BMP2K: variants seen among roughly 807,000 people sequenced by gnomAD.
BMP2K encodes BMP2 inducible kinase, also known as BMP-2-inducible protein kinase.
A neutral mutation model predicts 116.0 loss-of-function variants in BMP2K; 74 were observed. That is an observed-to-expected ratio of 0.64 (90% confidence interval 0.53 to 0.77). The LOEUF (loss-of-function observed/expected upper bound fraction) is 0.77, where lower values mean the gene tolerates loss of function less well. Ranked by LOEUF, BMP2K falls within the 30% of genes least tolerant of loss-of-function variation. BMP2K has a pLI of 0.00. For missense variants in BMP2K, 1,365 were observed against 1,403.6 expected (o/e 0.97, Z 0.44); for synonymous variants, 486 against 502.5 (o/e 0.97, Z 0.44).
At chr4:78,829,787 TTTCTCTTCTC>T (rs745602899) in intron 2 of BMP2K, among the ~76,000 whole-genome samples, 2,252 of 86,468 alleles carry the variant, frequency 0.026, 36 homozygotes, top group Non-Finnish European at 0.031. Flanking sequence ...TTTCTTTTCT[TTTCTCTTCTC>T]TTCTCTTCTC....
At chr4:78,857,511 C>G (rs1263385978) in intron 7 of BMP2K, among the ~76,000 whole-genome samples, 6 of 151,974 alleles carry the variant, frequency 3.9e-5, no homozygotes, top group African/African-American at 1.4e-4. Flanking sequence ...TGAAAGAAAA[C>G]AAAACAAAGA....
intron 13 of BMP2K, among the ~76,000 whole-genome samples, chr4:78,877,878 A>G (rs1030151189): frequency 6.6e-6 from 1 of 152,170 alleles, no homozygotes; most frequent in Non-Finnish European, 1.5e-5. Flanking sequence ...TTTCAGCTCT[A>G]TTTTAATCTT....
intron 1 of BMP2K, among the ~76,000 whole-genome samples, chr4:78,811,706 A>G (rs893786279): frequency 2.6e-5 from 4 of 152,204 alleles, no homozygotes; most frequent in African/African-American, 9.6e-5. Context: ...AAGCAGGTCT[A>G]TTTTTATCCA....
chr4:78,849,040 T>C (rs975390762), intron 6 of BMP2K, among the ~76,000 whole-genome samples: 1 of 151,498 alleles, frequency 6.6e-6, no homozygotes, highest in African/African-American at 2.4e-5. Context: ...CAGAGAGTTA[T>C]GATATTGAGG....
At chr4:78,828,349 G>C (rs1450494520) in intron 2 of BMP2K, among the ~76,000 whole-genome samples, 2 of 152,222 alleles carry the variant, frequency 1.3e-5, no homozygotes, top group Non-Finnish European at 2.9e-5. Flanking sequence ...AAGGGGTACA[G>C]AGCTTCCTTG....
In BMP2K at chr4:78,776,362, G is replaced by T. The variant is rs1165257623; in HGVS notation, c.-182G>T. The T allele has an allele frequency of 5.0e-5, 25 of 498,492 alleles. No individual in the cohort carries two copies. Among genetic ancestry groups the T allele is most frequent in the Non-Finnish European group, 5.7e-5 (21 of 369,628 alleles). 30.9% of individuals were successfully genotyped at this position (498,492 alleles called of 1,614,324 possible). ...GCGGGAGCCGGGCAGCTGCAGCGGA[G>T]CCGCGGAGCGGGCGGCGGGGCCCAG... On this transcript the variant is annotated 5_prime_UTR_variant, in exon 1 of 16. Coordinates refer to ENST00000502613, the MANE Select transcript of BMP2K (RefSeq NM_198892.2).
intron 1 of BMP2K, among the ~76,000 whole-genome samples, chr4:78,820,493 T>C (rs1348098548): frequency 6.6e-6 from 1 of 152,158 alleles, no homozygotes; most frequent in African/African-American, 2.4e-5. Flanking sequence ...GTGTGTGTTA[T>C]ATCTTTGATA....
intron 1 of BMP2K, 106 bp from the exon 2 acceptor site, chr4:78,825,931 G>A: frequency 1.2e-6 from 1 of 851,774 alleles, no homozygotes; most frequent in Non-Finnish European, 1.9e-6. Context: ...TTTTGTCTTG[G>A]GTACAATCAT....
intron 2 of BMP2K, among the ~76,000 whole-genome samples, chr4:78,830,187 A>C (rs1730142129): frequency 6.6e-6 from 1 of 152,094 alleles, no homozygotes; most frequent in Non-Finnish European, 1.5e-5. Context: ...ATCAGTATTA[A>C]TTTTTTTGTA....
At chr4:78,860,142 G>GTAC (rs771473033) in intron 8 of BMP2K, 2 of 486,230 alleles carry the variant, frequency 4.1e-6, no homozygotes, top group Non-Finnish European at 8.0e-6. Flanking sequence ...TAAACAATGT[G>GTAC]TACGCATAGA....
intron 2 of BMP2K, 84 bp from the exon 3 acceptor site, chr4:78,833,498 A>T: frequency 2.3e-6 from 2 of 877,452 alleles, no homozygotes; most frequent in East Asian, 2.6e-5. Context: ...GAAATTCTTT[A>T]CATTAATTTA....
At chr4:78,847,902 A>C (rs1317474555) in intron 6 of BMP2K, among the ~76,000 whole-genome samples, 1 of 151,722 alleles carries the variant, frequency 6.6e-6, no homozygotes, top group Non-Finnish European at 1.5e-5. Flanking sequence ...TAATTCATTT[A>C]AATTCAGCAG....
chr4:78,908,567 C>G (rs1318889121), intron 15 of BMP2K, among the ~76,000 whole-genome samples: 2 of 152,148 alleles, frequency 1.3e-5, no homozygotes, highest in Non-Finnish European at 2.9e-5. Context: ...TCTCTGCATA[C>G]CAACTGCATG....
intron 1 of BMP2K, among the ~76,000 whole-genome samples, chr4:78,796,812 A>G (rs1186696918): frequency 6.6e-6 from 1 of 152,204 alleles, no homozygotes; most frequent in Admixed American, 6.5e-5. Context: ...ATGGAGAAAG[A>G]GTAATATTAG....
Position 78,911,982 on chromosome 4 carries a change from A to G in BMP2K, c.3435A>G (p.Gln1145=), listed in dbSNP as rs769890490. The change falls in exon 16 of 16, where the codon CAA becomes CAG. Residue 1145 remains glutamine, a synonymous_variant. Transcript: ENST00000502613. ...CTCCACATCAGTCCCAACAGTCCCAACCAGTCGAATTAGACCCATTTGGTG... is the reference window on the plus strand; with the variant it reads ...CTCCACATCAGTCCCAACAGTCCCAGCCAGTCGAATTAGACCCATTTGGTG... ...SITPHQSQQS[Q]PVELDPFGAA... The G allele has an allele frequency of 7.4e-6, 12 of 1,613,886 alleles. No individual in the cohort carries two copies. Among genetic ancestry groups the G allele is most frequent in the Non-Finnish European group, 9.3e-6 (11 of 1,179,810 alleles).
rs72659096 is a variant in BMP2K at position 78,797,294 on chromosome 4, C to A, written c.178+20573C>A. ...GATCGCATTCTTCCTTAGCCAGTCT[C>A]CTAAAAGAAAGGAAAAAAACTTACC... On this transcript the variant is annotated intron_variant, in intron 1 of 15. Transcript: ENST00000502613. Among the ~76,000 whole-genome samples the A allele has an allele frequency of 2.0e-4, 30 of 152,094 alleles. 1 individual carries two copies. In the South Asian group the frequency reaches 6.2e-3, roughly 32 times the overall value.
intron 1 of BMP2K, among the ~76,000 whole-genome samples, chr4:78,811,103 CTTTTTG>C (rs1729068012): frequency 3.3e-5 from 5 of 152,186 alleles, no homozygotes; most frequent in Admixed American, 3.3e-4. Context: ...ATGTACCTCA[CTTTTTG>C]TTTTTGTGTG....
Position 78,776,427 on chromosome 4 carries a change from G to C in BMP2K, c.-117G>C, listed in dbSNP as rs1202864365. 1 of 1,009,430 alleles carries C rather than the reference G, an allele frequency of 9.9e-7. No individual in the cohort carries two copies. Among genetic ancestry groups the C allele is most frequent in the Non-Finnish European group, 1.2e-6 (1 of 827,030 alleles). The allele number at this position is 1,009,430 out of a possible 1,614,324, so 62.5% of individuals were successfully genotyped here. On this transcript the variant is annotated 5_prime_UTR_variant, in exon 1 of 16. Transcript: ENST00000502613. ...GAGCGCGGAATGTGAGGCTTGGCGG[G>C]CCGCAGCACGCTCGGACGGGCCAGG...
intron 1 of BMP2K, among the ~76,000 whole-genome samples, chr4:78,808,489 A>G (rs1325755564): frequency 1.3e-5 from 2 of 151,650 alleles, no homozygotes; most frequent in Non-Finnish European, 2.9e-5. Flanking sequence ...GATGGTCTCA[A>G]TCTCCTGACC....
Sources: gnomAD v4.1 joint callset for allele counts (sites outside exome capture counted in the v4.1 genomes callset) on GRCh38, gnomAD v4.1.1 for gene constraint, MANE v1.5 for transcripts, NCBI Gene and HGNC (gene_info 2026-07-23, HGNC 2026-07-21) for gene names.